The following SHOC2 variants were observed in gnomAD, a reference collection of about 807,000 sequenced individuals.
The protein encoded by SHOC2 is SHOC2 leucine rich repeat scaffold protein.
SHOC2 carries 4 observed loss-of-function variants against 50.2 expected under a neutral mutation model. The observed-to-expected ratio is 0.08, with a 90% confidence interval of 0.04 to 0.18. SHOC2 has a LOEUF of 0.18. SHOC2 is among the 10% of genes least tolerant of loss of function. SHOC2 has a pLI of 1.00. For synonymous variants in SHOC2, 218 were observed against 244.5 expected (o/e 0.89, Z 1.01); for missense variants, 388 against 669.6 (o/e 0.58, Z 4.64).
Position 111,011,905 on chromosome 10 carries a change from T to G in SHOC2, c.*87T>G. 1.9e-6 allele frequency: 2 copies of G among 1,041,756 alleles called. No homozygotes were observed. The highest frequency in any genetic ancestry group is 3.0e-6 in the Non-Finnish European group (2 of 673,288). The allele number at this position is 1,041,756 out of a possible 1,614,324, so 64.5% of individuals were successfully genotyped here. Reference sequence around the variant, plus strand: ...TATCTGTATCTATTTATGTAGATATTGGTATATGGCAGATTTATAAAAATT... The same window carrying G: ...TATCTGTATCTATTTATGTAGATATGGGTATATGGCAGATTTATAAAAATT... On this transcript the variant is annotated 3_prime_UTR_variant, in exon 9 of 9. Coordinates refer to ENST00000369452, the MANE Select transcript of SHOC2 (RefSeq NM_007373.4).
chr10:110,954,300 A>C (rs1248998254), intron 1 of SHOC2, among the ~76,000 whole-genome samples: 6 of 152,136 alleles, frequency 3.9e-5, no homozygotes, highest in African/African-American at 1.4e-4. Flanking sequence ...TTAACATGAG[A>C]GAGGCAGCTT....
chr10:111,004,555 A>T, intron 4 of SHOC2, 51 bp from the exon 5 acceptor site: 1 of 1,354,742 alleles, frequency 7.4e-7, no homozygotes, highest in Non-Finnish European at 1.1e-6. Flanking sequence ...TCTATAAAAA[A>T]TGAGTCTCAT....
chr10:111,011,077 A>C (rs76604170), intron 8 of SHOC2, among the ~76,000 whole-genome samples: 4 of 152,206 alleles, frequency 2.6e-5, no homozygotes, highest in African/African-American at 9.6e-5. Context: ...AAAGGTCTAC[A>C]TAAGTCAGTT....
intron 2 of SHOC2, among the ~76,000 whole-genome samples, chr10:110,982,220 G>A (rs2134144508): frequency 6.7e-6 from 1 of 149,564 alleles, no homozygotes; most frequent in African/African-American, 2.5e-5. Context: ...ATTCCATGGT[G>A]TATATGTGCC....
Position 110,964,520 on chromosome 10 carries a change from G to T in SHOC2, c.162G>T (p.Lys54Asn). The T allele has an allele frequency of 4.3e-6, 7 of 1,614,096 alleles. No individual in the cohort carries two copies. The highest frequency in any genetic ancestry group is 5.9e-6 in the Non-Finnish European group (7 of 1,179,996). The stretch of plus-strand genomic sequence containing the variant: ...AAGGGAAAGATGCCAAAGATGGAAA[G>T]AAGGACTCCAGTGCTGCCCAACCAG... The part of the protein sequence containing the change: ...KTKGKDAKDG[K>N]KDSSAAQPGV... Residue 54 changes from lysine to asparagine, a missense_variant, in exon 2 of 9, where the codon AAG (lysine) becomes AAT (asparagine). This residue lies in a region of SHOC2 where 121 missense variants were observed against 145.5 expected (regional missense o/e 0.83). Coordinates refer to ENST00000369452, the MANE Select transcript of SHOC2 (RefSeq NM_007373.4). This position sits in a 1 kb window ranked among gnomAD's most constrained non-coding sequence, Gnocchi z 4.9.
At chr10:110,954,439 G>A (rs911638942) in intron 1 of SHOC2, among the ~76,000 whole-genome samples, 1 of 152,064 alleles carries the variant, frequency 6.6e-6, no homozygotes, top group African/African-American at 2.4e-5. Flanking sequence ...GTATCAGCTA[G>A]CTTCTTTGCA....
chr10:110,944,295 A>G (rs895852364), intron 1 of SHOC2, among the ~76,000 whole-genome samples: 3 of 150,930 alleles, frequency 2.0e-5, no homozygotes, highest in African/African-American at 4.9e-5. Flanking sequence ...GTGAAAATTT[A>G]TGGATTCTAC....
chr10:110,946,981 C>T (rs1847257721), intron 1 of SHOC2, among the ~76,000 whole-genome samples: 1 of 152,148 alleles, frequency 6.6e-6, no homozygotes, highest in African/African-American at 2.4e-5. Context: ...GACAAAAATA[C>T]CTTCACAAGA....
chr10:111,012,341 T>C lies in SHOC2; in HGVS notation c.*523T>C, dbSNP rs559270881. 17 of 160,186 alleles carry C rather than the reference T, an allele frequency of 1.1e-4. No homozygotes were observed. Among genetic ancestry groups the C allele is most frequent in the African/African-American group, 4.1e-4 (17 of 41,606 alleles). 9.9% of individuals were successfully genotyped at this position (160,186 alleles called of 1,614,324 possible). ...TGGATTTCTTTTGTTTGTTTTGATT[T>C]GCTCTGTTTTATTCAGTCAAATCTA... On this transcript the variant is annotated 3_prime_UTR_variant, in exon 9 of 9. Coordinates refer to ENST00000369452, the MANE Select transcript of SHOC2 (RefSeq NM_007373.4).
At chr10:110,925,070 C>CAAA (rs763203844) in intron 1 of SHOC2, among the ~76,000 whole-genome samples, 85 of 81,798 alleles carry the variant, frequency 1.0e-3, no homozygotes, top group East Asian at 2.9e-3. Context: ...GACTCTGTCT[C>CAAA]AAAAAAAAAA....
chr10:110,950,318 C>T (rs1345595964), intron 1 of SHOC2, among the ~76,000 whole-genome samples: 1 of 140,570 alleles, frequency 7.1e-6, no homozygotes, highest in Non-Finnish European at 1.6e-5. Context: ...ATAAATTTAA[C>T]AAAGGAGGTG....
intron 1 of SHOC2, among the ~76,000 whole-genome samples, chr10:110,945,635 C>T (rs529403030): frequency 2.0e-5 from 3 of 152,232 alleles, no homozygotes; most frequent in South Asian, 4.1e-4. Context: ...TGGGCTTTGC[C>T]ATCCCACACT....
chr10:110,937,337 A>G, intron 1 of SHOC2: 1 of 643,354 alleles, frequency 1.6e-6, no homozygotes, highest in South Asian at 1.7e-5. Flanking sequence ...CAAATGTTTC[A>G]AGCAAGGGAC....
chr10:111,000,750 A>G (rs1301309533), intron 4 of SHOC2, among the ~76,000 whole-genome samples: 1 of 152,132 alleles, frequency 6.6e-6, no homozygotes, highest in African/African-American at 2.4e-5. Context: ...TATGATTATT[A>G]TTTTTTTAAT....
At chr10:110,974,284 T>A (rs1401574924) in intron 2 of SHOC2, among the ~76,000 whole-genome samples, 3 of 152,122 alleles carry the variant, frequency 2.0e-5, no homozygotes, top group Non-Finnish European at 4.4e-5. Flanking sequence ...ATTGTTCAGT[T>A]TCCAAATATA....
Position 110,964,388 on chromosome 10 carries a change from C to G in SHOC2, c.30C>G (p.Asp10Glu). The part of the protein sequence containing the change: MSSSLGKEK[D>E]SKEKDPKVPS... ...GTAGTAGTTTAGGAAAAGAAAAAGA[C>G]TCTAAAGAAAAAGATCCCAAAGTAC... The change falls in exon 2 of 9, where the codon GAC becomes GAG. Residue 10 changes from aspartate (D) to glutamate (E), a missense_variant. Physicochemically the swap from Asp to Glu is conservative, Grantham distance 45. Coordinates refer to ENST00000369452, the MANE Select transcript of SHOC2 (RefSeq NM_007373.4). This position sits in a 1 kb window ranked among gnomAD's most constrained non-coding sequence, Gnocchi z 4.9. 1 of 1,613,158 alleles carries G rather than the reference C, an allele frequency of 6.2e-7. No homozygotes were observed. The highest frequency in any genetic ancestry group is 8.5e-7 in the Non-Finnish European group (1 of 1,179,760).
chr10:110,968,517 TTA>T (rs1216927310), intron 2 of SHOC2, among the ~76,000 whole-genome samples: 1 of 151,498 alleles, frequency 6.6e-6, no homozygotes, highest in African/African-American at 2.4e-5. Context: ...TTTATGCATA[TTA>T]GAGCTACATT....
intron 3 of SHOC2, among the ~76,000 whole-genome samples, chr10:110,993,604 C>T (rs888575567): frequency 6.6e-6 from 1 of 152,046 alleles, no homozygotes; most frequent in Non-Finnish European, 1.5e-5. Context: ...GGTGGAGGTA[C>T]CTTTTAATTT....
chr10:110,947,828 G>T (rs1847277046), intron 1 of SHOC2, among the ~76,000 whole-genome samples: 1 of 150,044 alleles, frequency 6.7e-6, no homozygotes, highest in South Asian at 2.1e-4. Context: ...AGAAATAGAG[G>T]AGCTACAAGA....
Sources: gnomAD v4.1 joint callset for allele counts (sites outside exome capture counted in the v4.1 genomes callset) on GRCh38, gnomAD v4.1.1 for gene constraint, gnomAD v4.1.1 regional missense constraint, Gnocchi (gnomAD v3.1) non-coding constraint, MANE v1.5 for transcripts, NCBI Gene and HGNC (gene_info 2026-07-23, HGNC 2026-07-21) for gene names.